CPEB3: variants seen among roughly 807,000 people sequenced by gnomAD.
The protein encoded by CPEB3 is cytoplasmic polyadenylation element binding protein 3, also known as cytoplasmic polyadenylation element-binding protein 3.
In CPEB3, 20 loss-of-function variants were observed where a neutral mutation model predicts 67.2. The observed-to-expected ratio is 0.30, with a 90% CI of 0.21 to 0.43. CPEB3 has a LOEUF of 0.43. CPEB3 is among the 20% of genes least tolerant of loss of function. The probability of loss-of-function intolerance (pLI) is 1.00; values close to 1 mark genes in which losing one functional copy is unlikely to be tolerated. For synonymous variants in CPEB3, 376 were observed against 393.1 expected, an observed-to-expected ratio of 0.96 and a Z score of 0.51; for missense variants, 746 against 968.6, an observed-to-expected ratio of 0.77 and a Z score of 3.05.
chr10:92,186,252 T>C (rs1308089769), intron 3 of CPEB3, among the ~76,000 whole-genome samples: 1 of 148,238 alleles, frequency 6.7e-6, no homozygotes, highest in Non-Finnish European at 1.5e-5. Context: ...TAGGTGGGTA[T>C]GGTGGCATGC....
chr10:92,057,330 G>C (rs927721128), intron 9 of CPEB3, among the ~76,000 whole-genome samples: 1 of 152,264 alleles, frequency 6.6e-6, no homozygotes, highest in Non-Finnish European at 1.5e-5. Context: ...TCATGGCTTG[G>C]GGTGGCGGTG....
At chr10:92,119,080 C>T (rs1590180206) in intron 6 of CPEB3, 1 of 1,582,076 alleles carries the variant, frequency 6.3e-7, no homozygotes, top group East Asian at 2.2e-5. Flanking sequence ...TAGGAAAAGG[C>T]CTGAAGATTC....
intron 1 of CPEB3, among the ~76,000 whole-genome samples, chr10:92,257,728 CTTT>C (rs11418720): frequency 4.6e-5 from 6 of 130,728 alleles, no homozygotes; most frequent in Non-Finnish European, 3.2e-5. Context: ...GACCTCAACT[CTTT>C]TTTTTTTTTT....
At chr10:92,148,568 A>G (rs1846803325) in intron 4 of CPEB3, among the ~76,000 whole-genome samples, 1 of 152,008 alleles carries the variant, frequency 6.6e-6, no homozygotes, top group African/African-American at 2.4e-5. Flanking sequence ...TCTTTCCCTA[A>G]CCCTATTAAA....
intron 4 of CPEB3, among the ~76,000 whole-genome samples, chr10:92,157,971 TACACACACACATAA>T (rs973102118): frequency 1.3e-5 from 2 of 151,402 alleles, no homozygotes; most frequent in Non-Finnish European, 1.5e-5. Context: ...CAGGTATAAA[TACACACACACATAA>T]ACACACTCAT....
At chr10:92,148,537 G>C (rs879192063) in intron 4 of CPEB3, among the ~76,000 whole-genome samples, 1 of 152,034 alleles carries the variant, frequency 6.6e-6, no homozygotes, top group Admixed American at 6.6e-5. Flanking sequence ...ATACCATTTG[G>C]GTGCGTTTTT....
chr10:92,272,255 A>G (rs1282548255), intron 1 of CPEB3: 4 of 152,118 alleles, frequency 2.6e-5, no homozygotes, highest in Admixed American at 2.0e-4. Flanking sequence ...ACAGACTCTC[A>G]TCATTTTTTG....
At chr10:92,167,305 T>C (rs368997577) in intron 4 of CPEB3, among the ~76,000 whole-genome samples, 9 of 152,254 alleles carry the variant, frequency 5.9e-5, no homozygotes, top group Non-Finnish European at 2.9e-5. Context: ...CTTGGCTAAC[T>C]AGCACAAGAG....
At chr10:92,177,839 A>C (rs564877854) in intron 4 of CPEB3, among the ~76,000 whole-genome samples, 10 of 152,326 alleles carry the variant, frequency 6.6e-5, no homozygotes, top group Admixed American at 5.2e-4. Context: ...AACTGAGGCC[A>C]TATCTTTAGG....
At chr10:92,242,516 T>A (rs927196938) in intron 1 of CPEB3, among the ~76,000 whole-genome samples, 1 of 152,242 alleles carries the variant, frequency 6.6e-6, no homozygotes, top group Non-Finnish European at 1.5e-5. Context: ...TAAACCATTA[T>A]AATCTGAGAT....
intron 4 of CPEB3, among the ~76,000 whole-genome samples, chr10:92,151,097 C>T (rs1016988106): frequency 1.3e-5 from 2 of 152,180 alleles, no homozygotes; most frequent in Admixed American, 1.3e-4. Flanking sequence ...AAATAGAAGA[C>T]TTGCAAAGCA....
chr10:92,086,277 C>A (rs1436965799), intron 8 of CPEB3, among the ~76,000 whole-genome samples: 2 of 152,192 alleles, frequency 1.3e-5, no homozygotes, highest in African/African-American at 4.8e-5. Flanking sequence ...TTGAGGAGGA[C>A]TTTCTAGGTT....
chr10:92,196,217 G>T (rs2134205142), intron 2 of CPEB3, among the ~76,000 whole-genome samples: 1 of 152,330 alleles, frequency 6.6e-6, no homozygotes, highest in South Asian at 2.1e-4. Context: ...TTACACCCAT[G>T]ATTCTGTTCA....
chr10:92,275,845 C>CTTTTTTTTTTTTTTTT (rs909549413), intron 1 of CPEB3, among the ~76,000 whole-genome samples: 1 of 92,978 alleles, frequency 1.1e-5, no homozygotes, highest in African/African-American at 3.7e-5. Context: ...TCATTCTTTT[C>CTTTTTTTTTTTTTTTT]TTTTTTTTTT....
chr10:92,208,497 G>A (rs948945967), intron 2 of CPEB3, among the ~76,000 whole-genome samples: 1 of 152,008 alleles, frequency 6.6e-6, no homozygotes. Flanking sequence ...CCTATAGCCT[G>A]TGTGTCCTTT....
intron 2 of CPEB3, among the ~76,000 whole-genome samples, chr10:92,200,756 A>G (rs1460574858): frequency 6.6e-6 from 1 of 151,410 alleles, no homozygotes; most frequent in African/African-American, 2.4e-5. Flanking sequence ...AGGATGCTCA[A>G]AAATTAGATA....
chr10:92,065,958 G>A (rs1210725670), intron 9 of CPEB3, among the ~76,000 whole-genome samples: 1 of 152,026 alleles, frequency 6.6e-6, no homozygotes, highest in Non-Finnish European at 1.5e-5. Flanking sequence ...TTGGCCAGGC[G>A]TGGTGGTGCA....
At position 92,081,260 on chromosome 10, in the gene CPEB3, A is replaced by G. The variant is rs1447945036; in HGVS notation, c.1869+60T>C. 7 of 1,588,718 alleles carry G rather than the reference A, an allele frequency of 4.4e-6. No homozygotes were observed. The African/African-American group carries it at 6.7e-5, about 15-fold the overall frequency. ...ATCATAAGGTGCCTTTCTTCCCAGGAAACTACAGAACAAACTTCTTTTCTC... is the reference window on the plus strand; with the variant it reads ...ATCATAAGGTGCCTTTCTTCCCAGGGAACTACAGAACAAACTTCTTTTCTC... On this transcript the variant is annotated intron_variant, in intron 9 of 9. Coordinates refer to ENST00000265997, the MANE Select transcript of CPEB3 (RefSeq NM_014912.5).
chr10:92,181,698 T>C (rs933634120), intron 3 of CPEB3, among the ~76,000 whole-genome samples: 29 of 152,198 alleles, frequency 1.9e-4, no homozygotes, highest in African/African-American at 5.8e-4. Context: ...TGCCTCTGAG[T>C]TAAGCATCAT....
Sources: gnomAD v4.1 joint callset for allele counts (sites outside exome capture counted in the v4.1 genomes callset) on GRCh38, gnomAD v4.1.1 for gene constraint, MANE v1.5 for transcripts, NCBI Gene and HGNC (gene_info 2026-07-23, HGNC 2026-07-21) for gene names.